The following ZNF664 variants were observed in gnomAD, a reference collection of about 807,000 sequenced individuals.
The protein encoded by ZNF664 is zinc finger protein 664.
Under a neutral mutation model 18.2 loss-of-function variants are expected in ZNF664, and 10 were observed. The observed-to-expected ratio is 0.55, with a 90% confidence interval of 0.34 to 0.93. The LOEUF (loss-of-function observed/expected upper bound fraction) is 0.93. Ranked by LOEUF, ZNF664 falls within the 40% of genes least tolerant of loss-of-function variation. The pLI is 0.02. For synonymous variants in ZNF664, 119 were observed against 104.2 expected, an observed-to-expected ratio of 1.14 and a Z score of -0.86; for missense variants, 193 against 319.0, an observed-to-expected ratio of 0.61 and a Z score of 3.01.
intron 3 of ZNF664, among the ~76,000 whole-genome samples, chr12:123,988,479 G>C (rs1378980137): frequency 6.6e-6 from 1 of 152,062 alleles, no homozygotes; most frequent in African/African-American, 2.4e-5. Context: ...GCCTTACATG[G>C]ATTCTAGATC....
chr12:124,008,033 G>A (rs1396296074), intron 3 of ZNF664, among the ~76,000 whole-genome samples: 2 of 152,104 alleles, frequency 1.3e-5, no homozygotes, highest in Non-Finnish European at 2.9e-5. Flanking sequence ...TCCTCTTTTA[G>A]CAGCTGGTTT....
At chr12:123,982,397 T>G (rs959025674) in intron 2 of ZNF664, among the ~76,000 whole-genome samples, 1 of 152,188 alleles carries the variant, frequency 6.6e-6, no homozygotes, top group Admixed American at 6.5e-5. Flanking sequence ...TCTCCCAGGC[T>G]TCTCCTGCTC....
At position 124,012,937 on chromosome 12, in the gene ZNF664, T is replaced by A. The variant is rs749602402; in HGVS notation, c.*7T>A. ...CAAAATATCAGTTATATAAAACGTT[T>A]TGCTAAGAGTTTAAAATCTTAAAAC... On this transcript the variant is annotated 3_prime_UTR_variant, in exon 5 of 5. Coordinates refer to ENST00000337815, the MANE Select transcript of ZNF664 (RefSeq NM_152437.3). The A allele has an allele frequency of 6.2e-7, 1 of 1,610,124 alleles. No homozygotes were observed.
chr12:123,975,424 A>G (rs1400102331), intron 2 of ZNF664, among the ~76,000 whole-genome samples: 3 of 149,272 alleles, frequency 2.0e-5, no homozygotes, highest in Non-Finnish European at 3.0e-5. Flanking sequence ...TCTTCATTAA[A>G]AAAAAAAAAA....
At chr12:123,974,975 A>G (rs972512530) in intron 2 of ZNF664, among the ~76,000 whole-genome samples, 2 of 152,328 alleles carry the variant, frequency 1.3e-5, no homozygotes, top group Admixed American at 1.3e-4. Flanking sequence ...TTTATGATGA[A>G]GTTCTCTTTT....
At chr12:123,975,023 C>T (rs1956670913) in intron 2 of ZNF664, among the ~76,000 whole-genome samples, 2 of 152,178 alleles carry the variant, frequency 1.3e-5, no homozygotes, top group African/African-American at 4.8e-5. Context: ...CCACCCCTCC[C>T]CTATGGTAGT....
chr12:124,011,586 G>A lies in ZNF664; in HGVS notation c.-559G>A, dbSNP rs551974398. The A allele has an allele frequency of 1.6e-4, 155 of 989,040 alleles. No homozygotes were observed. In the African/African-American group the frequency reaches 2.5e-3, roughly 16 times the overall value. 61.3% of individuals were successfully genotyped at this position (989,040 alleles called of 1,614,324 possible). On this transcript the variant is annotated 5_prime_UTR_variant, in exon 5 of 5. Transcript: ENST00000337815. ...CCATGTAGGGAATTCCCCAAAGCAG[G>A]GCTTGCCATACCTGGACCCCGAGGA...
In ZNF664 at chr12:124,014,469, A is replaced by G. The variant is rs1440823092; in HGVS notation, c.*1539A>G. The G allele has an allele frequency of 1.0e-4, 17 of 167,174 alleles. No homozygotes were observed. Among genetic ancestry groups the G allele is most frequent in the Non-Finnish European group, 2.3e-4 (16 of 68,138 alleles). The allele number at this position is 167,174 out of a possible 1,614,324, so 10.4% of individuals were successfully genotyped here. ...ATGTGGAGGAACTCAAGGAATGTTT[A>G]GAAGACCAAAAGTCCCCAATGACAG... is the stretch of plus-strand genomic sequence containing the variant. On this transcript the variant is annotated 3_prime_UTR_variant, in exon 5 of 5. Coordinates refer to ENST00000337815, the MANE Select transcript of ZNF664 (RefSeq NM_152437.3).
intron 3 of ZNF664, among the ~76,000 whole-genome samples, chr12:123,996,447 A>G (rs1289938569): frequency 2.6e-5 from 4 of 152,140 alleles, no homozygotes; most frequent in Non-Finnish European, 5.9e-5. Context: ...ATGCATAACA[A>G]TTCAAGATTT....
chr12:123,973,455 C>G (rs12823740), intron 1 of ZNF664, 103 bp downstream of exon 1: 5 of 677,520 alleles, frequency 7.4e-6, no homozygotes, highest in Non-Finnish European at 9.1e-6. Flanking sequence ...GGTGGAGTGG[C>G]TTAAAGAAAA....
At chr12:123,974,313 G>C in intron 2 of ZNF664, 1 of 330,694 alleles carries the variant, frequency 3.0e-6, no homozygotes, top group Non-Finnish European at 5.5e-6. Context: ...CTTACGGGCT[G>C]TCTTATTGCA....
In ZNF664 at chr12:123,973,276, C is replaced by G. The variant is rs973886058; in HGVS notation, c.-968C>G. ...CGCGCGCGCGCGGCTCGGAGGCGCA[C>G]CTGTGAGGTGTCCCTGAGGAGAGGG... is the stretch of plus-strand genomic sequence containing the variant. On this transcript the variant is annotated 5_prime_UTR_variant, in exon 1 of 5. Coordinates refer to ENST00000337815, the MANE Select transcript of ZNF664 (RefSeq NM_152437.3). 2.3e-5 allele frequency: 23 copies of G among 1,006,580 alleles called. No individual in the cohort carries two copies. Among genetic ancestry groups the G allele is most frequent in the African/African-American group, 1.2e-4 (7 of 57,082 alleles). 62.4% of individuals were successfully genotyped at this position (1,006,580 alleles called of 1,614,324 possible).
At position 124,013,902 on chromosome 12, in the gene ZNF664, G is replaced by T. The variant is rs1195343779; in HGVS notation, c.*972G>T. 1.2e-5 allele frequency: 2 copies of T among 167,066 alleles called. No individual in the cohort carries two copies. The highest frequency in any genetic ancestry group is 2.9e-5 in the Non-Finnish European group (2 of 68,122). 10.3% of individuals were successfully genotyped at this position (167,066 alleles called of 1,614,324 possible). On this transcript the variant is annotated 3_prime_UTR_variant, in exon 5 of 5. Coordinates refer to ENST00000337815, the MANE Select transcript of ZNF664 (RefSeq NM_152437.3). The stretch of plus-strand genomic sequence containing the variant: ...TAGGAGTTCTTGATACCCCTTCATT[G>T]ATTACTGTGTATCAGTTCTTTGTTA...
chr12:123,983,362 C>T (rs1276872776), intron 2 of ZNF664, among the ~76,000 whole-genome samples: 2 of 152,218 alleles, frequency 1.3e-5, no homozygotes, highest in Non-Finnish European at 2.9e-5. Flanking sequence ...AACATTTCTA[C>T]ACCTTTATTC....
intron 3 of ZNF664, among the ~76,000 whole-genome samples, chr12:123,990,529 T>C (rs1195022867): frequency 6.6e-6 from 1 of 152,190 alleles, no homozygotes; most frequent in Non-Finnish European, 1.5e-5. Flanking sequence ...GCTTGAGCTT[T>C]CCGGTCTGTT....
At chr12:123,994,509 CTT>C (rs772533708) in intron 3 of ZNF664, among the ~76,000 whole-genome samples, 2 of 152,186 alleles carry the variant, frequency 1.3e-5, no homozygotes, top group African/African-American at 2.4e-5. Flanking sequence ...TTTGGCAACT[CTT>C]TAAATGTATG....
chr12:124,008,962 C>T (rs73221420), intron 3 of ZNF664, among the ~76,000 whole-genome samples: 6,222 of 152,102 alleles, frequency 0.041, 225 homozygotes, highest in South Asian at 0.12. Flanking sequence ...TAGGTGTGCT[C>T]ATTGCTATCG....
intron 3 of ZNF664, among the ~76,000 whole-genome samples, chr12:124,001,140 T>G (rs1957007050): frequency 6.6e-6 from 1 of 152,182 alleles, no homozygotes; most frequent in Admixed American, 6.5e-5. Flanking sequence ...TCCTTGTCCC[T>G]CACCCATTGT....
intron 3 of ZNF664, among the ~76,000 whole-genome samples, chr12:123,997,528 A>G (rs1213620673): frequency 6.6e-6 from 1 of 152,110 alleles, no homozygotes; most frequent in Non-Finnish European, 1.5e-5. Flanking sequence ...GCTTGTAGAC[A>G]TATCACTTCA....
Sources: gnomAD v4.1 joint callset for allele counts (sites outside exome capture counted in the v4.1 genomes callset) on GRCh38, gnomAD v4.1.1 for gene constraint, MANE v1.5 for transcripts, NCBI Gene and HGNC (gene_info 2026-07-23, HGNC 2026-07-21) for gene names.